LRP1B: variants seen among roughly 807,000 people sequenced by gnomAD.
LRP1B encodes the protein LDL receptor related protein 1B, also known as low-density lipoprotein receptor-related protein 1B.
LRP1B carries 217 observed loss-of-function variants against 556.6 expected under a neutral mutation model. The ratio of observed to expected loss-of-function variants is 0.39; its 90% CI spans 0.35 to 0.44. LRP1B has a LOEUF of 0.44. Ranked by LOEUF, LRP1B falls within the 20% of genes least tolerant of loss-of-function variation. The pLI is 1.00. For missense variants in LRP1B, 5,053 were observed against 5,620.8 expected (o/e 0.90, Z 3.23); for synonymous variants, 2,047 against 1,865.8 (o/e 1.10, Z -2.50).
At chr2:140,544,286 T>C (rs112699377) in intron 43 of LRP1B, among the ~76,000 whole-genome samples, 1 of 150,678 alleles carries the variant, frequency 6.6e-6, no homozygotes, top group African/African-American at 2.4e-5. Context: ...GGGTATATGT[T>C]CAGGTTTGTT....
intron 32 of LRP1B, among the ~76,000 whole-genome samples, chr2:140,788,632 AT>A (rs1441713256): frequency 6.6e-6 from 1 of 152,190 alleles, no homozygotes; most frequent in African/African-American, 2.4e-5. Context: ...TTTATTTGAC[AT>A]TTACATATGC....
At chr2:141,596,059 ATTT>A (rs1325138231) in intron 2 of LRP1B, among the ~76,000 whole-genome samples, 3 of 151,956 alleles carry the variant, frequency 2.0e-5, no homozygotes, top group African/African-American at 4.8e-5. Context: ...TATATTAATT[ATTT>A]TTATGTGGAC....
chr2:141,870,265 A>G (rs975100859), intron 1 of LRP1B, among the ~76,000 whole-genome samples: 1 of 151,918 alleles, frequency 6.6e-6, no homozygotes, highest in African/African-American at 2.4e-5. Flanking sequence ...TCTACTATGA[A>G]TGCCATTTCT....
At chr2:142,077,817 T>C (rs1224850697) in intron 1 of LRP1B, among the ~76,000 whole-genome samples, 1 of 152,146 alleles carries the variant, frequency 6.6e-6, no homozygotes, top group Non-Finnish European at 1.5e-5. Context: ...AATGCTTTGT[T>C]GCTGATGGTA....
At chr2:140,332,275 T>C (rs1680853547) in intron 79 of LRP1B, among the ~76,000 whole-genome samples, 1 of 152,024 alleles carries the variant, frequency 6.6e-6, no homozygotes, top group Non-Finnish European at 1.5e-5. Context: ...TCTTACCTTT[T>C]GCAAAAACTA....
chr2:141,990,223 TAA>T (rs920881571), intron 1 of LRP1B, among the ~76,000 whole-genome samples: 6 of 152,054 alleles, frequency 3.9e-5, no homozygotes, highest in South Asian at 2.1e-4. Context: ...GAAGGCTGAA[TAA>T]AGTCTATAAT....
intron 32 of LRP1B, among the ~76,000 whole-genome samples, chr2:140,786,360 A>G (rs1042488603): frequency 6.6e-6 from 1 of 152,228 alleles, no homozygotes; most frequent in Non-Finnish European, 1.5e-5. Flanking sequence ...TATATATGAG[A>G]GTGAATTTAC....
At chr2:140,939,666 T>C (rs1360926547) in intron 20 of LRP1B, among the ~76,000 whole-genome samples, 1 of 151,440 alleles carries the variant, frequency 6.6e-6, no homozygotes, top group East Asian at 1.9e-4. Context: ...CAATAAATAT[T>C]CCCTTTTCAG....
At chr2:141,012,751 T>G (rs1697792207) in intron 14 of LRP1B, among the ~76,000 whole-genome samples, 1 of 151,986 alleles carries the variant, frequency 6.6e-6, no homozygotes. Flanking sequence ...TCAAAAACTC[T>G]GTTGCTAGAT....
intron 32 of LRP1B, among the ~76,000 whole-genome samples, chr2:140,806,822 G>A (rs751025441): frequency 7.2e-5 from 11 of 151,998 alleles, no homozygotes; most frequent in Non-Finnish European, 5.9e-5. Context: ...CTTCTATTTC[G>A]TGAATTCCGT....
At chr2:141,212,600 A>T (rs1019380570) in intron 6 of LRP1B, among the ~76,000 whole-genome samples, 2 of 151,892 alleles carry the variant, frequency 1.3e-5, no homozygotes, top group African/African-American at 4.8e-5. Context: ...CTAGATTCTA[A>T]ATAGCAAAAA....
chr2:140,463,843 G>A (rs1474867980), intron 60 of LRP1B, among the ~76,000 whole-genome samples: 3 of 152,096 alleles, frequency 2.0e-5, no homozygotes, highest in Non-Finnish European at 4.4e-5. Context: ...TCTCTCCTTA[G>A]TATAGTAGTT....
At chr2:141,916,718 G>T (rs563649278) in intron 1 of LRP1B, among the ~76,000 whole-genome samples, 2 of 151,928 alleles carry the variant, frequency 1.3e-5, no homozygotes, top group South Asian at 4.2e-4. Context: ...ATTAAATATT[G>T]GGTAATCATA....
intron 7 of LRP1B, among the ~76,000 whole-genome samples, chr2:141,157,824 A>G (rs1169918262): frequency 6.6e-6 from 1 of 152,184 alleles, no homozygotes; most frequent in East Asian, 1.9e-4. Context: ...AACAAAAATC[A>G]CTAAGCTATT....
intron 2 of LRP1B, among the ~76,000 whole-genome samples, chr2:141,688,502 A>G (rs766026888): frequency 6.6e-6 from 1 of 151,940 alleles, no homozygotes; most frequent in Non-Finnish European, 1.5e-5. Context: ...GTGCTACAGA[A>G]ATATGAAGTC....
chr2:141,024,796 C>T (rs1340460984), intron 11 of LRP1B, among the ~76,000 whole-genome samples: 1 of 151,998 alleles, frequency 6.6e-6, no homozygotes, highest in Non-Finnish European at 1.5e-5. Flanking sequence ...GTTCCCTTTA[C>T]TTCGAAGTCC....
intron 1 of LRP1B, among the ~76,000 whole-genome samples, chr2:141,912,046 G>T (rs1041311728): frequency 1.3e-5 from 2 of 152,070 alleles, no homozygotes; most frequent in African/African-American, 4.8e-5. Context: ...GTAATGGACC[G>T]CCATATATTT....
rs143534472 is a variant in LRP1B, at chr2:141,160,055, A to G, written c.1013+28366T>C. 1.7e-3 allele frequency among the ~76,000 whole-genome samples: 257 copies of G among 152,240 alleles called. 6 individuals carry two copies. The East Asian group carries it at 0.043, about 25-fold the overall frequency. On this transcript the variant is annotated intron_variant, in intron 7 of 90. Transcript: ENST00000389484. ...TCAATAGGTGCAGCAAACCACCATC[A>G]GTATACCTGTGTAACAAACCTGCAT...
intron 2 of LRP1B, among the ~76,000 whole-genome samples, chr2:141,495,341 C>G (rs1683474357): frequency 6.6e-6 from 1 of 152,062 alleles, no homozygotes; most frequent in African/African-American, 2.4e-5. Context: ...CCCTTTCTGA[C>G]CACTCATACC....
Sources: gnomAD v4.1 joint callset for allele counts (sites outside exome capture counted in the v4.1 genomes callset) on GRCh38, gnomAD v4.1.1 for gene constraint, MANE v1.5 for transcripts, NCBI Gene and HGNC (gene_info 2026-07-23, HGNC 2026-07-21) for gene names.